Variants in CPSF2 observed in about 807,000 individuals in gnomAD.
CPSF2 encodes the protein cleavage and polyadenylation specific factor 2.
Under a neutral mutation model 84.2 loss-of-function variants are expected in CPSF2, and 51 were observed. The observed-to-expected ratio is 0.61, with a 90% CI of 0.48 to 0.77. The LOEUF (loss-of-function observed/expected upper bound fraction) is 0.77, where lower values mean the gene tolerates loss of function less well. CPSF2 is among the 30% of genes least tolerant of loss of function. The pLI is 0.00. For synonymous variants in CPSF2, 286 were observed against 311.9 expected (o/e 0.92, Z 0.87); for missense variants, 641 against 929.4 (o/e 0.69, Z 4.03).
At chr14:92,132,343 C>T (rs1330062110) in intron 3 of CPSF2, among the ~76,000 whole-genome samples, 1 of 151,924 alleles carries the variant, frequency 6.6e-6, no homozygotes, top group Admixed American at 6.6e-5. Flanking sequence ...CCATATTAGC[C>T]AGACTGGTCC....
rs144809574 is a variant in CPSF2 at position 92,168,987 on chromosome 14, T to G, written c.*7243T>G. The G allele has an allele frequency of 2.8e-4, 42 of 152,350 alleles. No homozygotes were observed. The highest frequency in any genetic ancestry group is 1.0e-3 in the African/African-American group (42 of 41,586). 9.4% of individuals were successfully genotyped at this position (152,350 alleles called of 1,614,324 possible). The stretch of plus-strand genomic sequence containing the variant: ...ATGATAATTTCAAGTGGAGAATATA[T>G]AAAGGACTCGTGAGGCCTTCCTACC... On this transcript the variant is annotated 3_prime_UTR_variant, in exon 16 of 16. Coordinates refer to ENST00000298875, the MANE Select transcript of CPSF2 (RefSeq NM_017437.3).
intron 9 of CPSF2, among the ~76,000 whole-genome samples, chr14:92,150,568 C>T (rs529984475): frequency 2.0e-5 from 3 of 152,150 alleles, no homozygotes; most frequent in African/African-American, 4.8e-5. Flanking sequence ...GCTAGGACTA[C>T]GGGTGTGTTT....
At chr14:92,130,896 T>C in intron 2 of CPSF2, 55 bp from the exon 3 acceptor site, 1 of 1,062,156 alleles carries the variant, frequency 9.4e-7, no homozygotes, top group Non-Finnish European at 1.3e-6. Context: ...ATTTGTTTAT[T>C]ATATATGCCA....
chr14:92,157,997 C>T lies in CPSF2; in HGVS notation c.1821+113C>T. On this transcript the variant is annotated intron_variant, in intron 13 of 15. Coordinates refer to ENST00000298875, the MANE Select transcript of CPSF2 (RefSeq NM_017437.3). This position sits in a 1 kb window ranked among gnomAD's most constrained non-coding sequence, Gnocchi z 4.0. ...TGAGACAGACATGGATGGTCTCCTG[C>T]CCTAGCAGACCTCATAGGGTATGGG... 2 of 707,154 alleles carry T rather than the reference C, an allele frequency of 2.8e-6. No homozygotes were observed. The highest frequency in any genetic ancestry group is 3.3e-5 in the South Asian group (2 of 60,396). 43.8% of individuals were successfully genotyped at this position (707,154 alleles called of 1,614,324 possible). A position where few individuals can be genotyped will look rare whatever the true frequency, so the allele number is the denominator to read the frequency against.
At position 92,122,113 on chromosome 14, in the gene CPSF2, G is replaced by C; in HGVS notation, c.-109G>C. ...TTGGGAAGGGCTGTGGACGGCGTTG[G>C]GGGAGGCCTGACGAGGCAAGTGAGG... On this transcript the variant is annotated 5_prime_UTR_variant, in exon 1 of 16. Transcript: ENST00000298875. 2.4e-6 allele frequency: 1 copy of C among 416,794 alleles called. No individual in the cohort carries two copies. The highest frequency in any genetic ancestry group is 2.2e-5 in the South Asian group (1 of 46,328). 25.8% of individuals were successfully genotyped at this position (416,794 alleles called of 1,614,324 possible). A position where few individuals can be genotyped will look rare whatever the true frequency, so the allele number is the denominator to read the frequency against.
At chr14:92,149,255 C>A (rs558074832) in intron 9 of CPSF2, among the ~76,000 whole-genome samples, 1 of 151,908 alleles carries the variant, frequency 6.6e-6, no homozygotes, top group Non-Finnish European at 1.5e-5. Flanking sequence ...CGTACATACA[C>A]GTCATTAAAA....
chr14:92,146,318 G>A (rs1391583289), intron 9 of CPSF2, among the ~76,000 whole-genome samples: 2 of 152,046 alleles, frequency 1.3e-5, no homozygotes, highest in East Asian at 1.9e-4. Flanking sequence ...TCAGGAGTTC[G>A]AGACCAGCCT....
chr14:92,137,030 A>AT (rs1190169262), intron 6 of CPSF2, among the ~76,000 whole-genome samples: 1 of 151,944 alleles, frequency 6.6e-6, no homozygotes, highest in Non-Finnish European at 1.5e-5. Flanking sequence ...TAAAAAAAAA[A>AT]ATCAAAGTAG....
chr14:92,133,517 A>G (rs12878999), intron 3 of CPSF2, among the ~76,000 whole-genome samples: 24,833 of 151,966 alleles, frequency 0.16, 2,275 homozygotes, highest in East Asian at 0.4. Context: ...CCCAGACTGG[A>G]GTGCAGTGGC....
intron 6 of CPSF2, among the ~76,000 whole-genome samples, chr14:92,135,736 C>G (rs998335068): frequency 6.6e-6 from 1 of 152,140 alleles, no homozygotes; most frequent in Non-Finnish European, 1.5e-5. Flanking sequence ...ACGGGTATCT[C>G]CCTGGAGATG....
intron 1 of CPSF2, among the ~76,000 whole-genome samples, chr14:92,124,242 A>G (rs1317385286): frequency 2.6e-5 from 4 of 152,202 alleles, no homozygotes; most frequent in Admixed American, 2.0e-4. Flanking sequence ...CCAGGAATCC[A>G]GTGGATATTT....
rs1383077732 is a variant in CPSF2 at position 92,165,224 on chromosome 14, T to C, written c.*3480T>C. On this transcript the variant is annotated 3_prime_UTR_variant, in exon 16 of 16. Coordinates refer to ENST00000298875, the MANE Select transcript of CPSF2 (RefSeq NM_017437.3). Reference sequence around the variant, plus strand: ...ATTTTGGCTATTAAGAATGCTGCTCTGAACATTCATGTGCAAGTTTTTTTT... The same window carrying C: ...ATTTTGGCTATTAAGAATGCTGCTCCGAACATTCATGTGCAAGTTTTTTTT... 6.6e-6 allele frequency: 1 copy of C among 151,024 alleles called. No individual in the cohort carries two copies. The highest frequency in any genetic ancestry group is 1.5e-5 in the Non-Finnish European group (1 of 67,928). 9.4% of individuals were successfully genotyped at this position (151,024 alleles called of 1,614,324 possible). A position where few individuals can be genotyped will look rare whatever the true frequency, so the allele number is the denominator to read the frequency against.
chr14:92,127,154 G>A (rs1414488308), intron 2 of CPSF2, among the ~76,000 whole-genome samples: 1 of 152,182 alleles, frequency 6.6e-6, no homozygotes, highest in Non-Finnish European at 1.5e-5. Context: ...TCCAGTGTGG[G>A]CACAGGAGGG....
intron 7 of CPSF2, among the ~76,000 whole-genome samples, chr14:92,140,761 A>C (rs943043180): frequency 2.6e-5 from 4 of 151,842 alleles, no homozygotes; most frequent in African/African-American, 9.7e-5. Context: ...AAAAAAAGAA[A>C]ATTTTTGCCA....
chr14:92,138,399 A>G (rs1175666418), intron 7 of CPSF2, 52 bp downstream of exon 7: 1 of 961,000 alleles, frequency 1.0e-6, no homozygotes, highest in Non-Finnish European at 1.5e-6. Flanking sequence ...AACTTTTTGT[A>G]TATTTAGGGA....
At chr14:92,160,811 T>G (rs2069362033) in intron 14 of CPSF2, among the ~76,000 whole-genome samples, 1 of 152,198 alleles carries the variant, frequency 6.6e-6, no homozygotes, top group Admixed American at 6.5e-5. Flanking sequence ...GACCCCATTA[T>G]GCAAGTGGGT....
chr14:92,159,279 T>A lies in CPSF2; in HGVS notation c.2118T>A (p.His706Gln). Residue 706 changes from histidine (H) to glutamine (Q), a missense_variant, in exon 14 of 16, where the codon CAT becomes CAA. This residue lies in a region of CPSF2 where 430 missense variants were observed against 553.6 expected (regional missense o/e 0.78). Coordinates refer to ENST00000298875, the MANE Select transcript of CPSF2 (RefSeq NM_017437.3). ...IIPTLEPLPP[H>Q]EVPGHQSVFM... is the part of the protein sequence containing the mutation. ...CTACTTTGGAACCCTTGCCACCTCATGAGGTAAAAAAAGCATGTGCTTTTT... is the reference window on the plus strand; with the variant it reads ...CTACTTTGGAACCCTTGCCACCTCAAGAGGTAAAAAAAGCATGTGCTTTTT... 6.3e-7 allele frequency: 1 copy of A among 1,578,300 alleles called. No homozygotes were observed. The highest frequency in any genetic ancestry group is 1.2e-5 in the South Asian group (1 of 85,806).
chr14:92,159,360 C>G, intron 14 of CPSF2, 78 bp downstream of exon 14: 1 of 1,244,060 alleles, frequency 8.0e-7, no homozygotes, highest in South Asian at 1.5e-5. Context: ...GGTTTTTTTC[C>G]CCCCTTCTAA....
chr14:92,142,946 A>G lies in CPSF2; in HGVS notation c.850-58A>G, dbSNP rs1163074120. On this transcript the variant is annotated intron_variant, in intron 8 of 15. Coordinates refer to ENST00000298875, the MANE Select transcript of CPSF2 (RefSeq NM_017437.3). ...ACTTGAATTCCTTGACTATTAGAGA[A>G]TATATTGAAGTTATAATATAGTATT... is the stretch of plus-strand genomic sequence containing the variant. The G allele has an allele frequency of 3.7e-6, 5 of 1,359,268 alleles. No individual in the cohort carries two copies. The East Asian group carries it at 1.2e-4, about 31-fold the overall frequency. 84.2% of individuals were successfully genotyped at this position (1,359,268 alleles called of 1,614,324 possible). A position where few individuals can be genotyped will look rare whatever the true frequency, so the allele number is the denominator to read the frequency against.
Sources: gnomAD v4.1 joint callset for allele counts (sites outside exome capture counted in the v4.1 genomes callset) on GRCh38, gnomAD v4.1.1 for gene constraint, gnomAD v4.1.1 regional missense constraint, Gnocchi (gnomAD v3.1) non-coding constraint, MANE v1.5 for transcripts, NCBI Gene and HGNC (gene_info 2026-07-23, HGNC 2026-07-21) for gene names.